Variants in DNM3 observed in about 807,000 individuals in gnomAD.
DNM3 encodes the protein dynamin-3.
A neutral mutation model predicts 101.6 loss-of-function variants in DNM3; 47 were observed. That is an observed-to-expected ratio of 0.46 (90% CI 0.37 to 0.59). DNM3 has a LOEUF of 0.59. DNM3 is among the 20% of genes least tolerant of loss of function. The pLI, the probability that DNM3 is intolerant of heterozygous loss-of-function variation, is 0.00. For missense variants in DNM3, 849 were observed against 1,085.7 expected, an observed-to-expected ratio of 0.78 and a Z score of 3.06; for synonymous variants, 385 against 387.9, an observed-to-expected ratio of 0.99 and a Z score of 0.09.
chr1:172,229,452 T>C (rs2061252456), intron 14 of DNM3, among the ~76,000 whole-genome samples: 1 of 152,172 alleles, frequency 6.6e-6, no homozygotes, highest in Non-Finnish European at 1.5e-5. Context: ...AGCATTTATT[T>C]GTAATGAACA....
chr1:172,255,643 A>G (rs1028456793), intron 15 of DNM3, among the ~76,000 whole-genome samples: 112 of 152,244 alleles, frequency 7.4e-4, no homozygotes, highest in African/African-American at 2.6e-3. Flanking sequence ...AAAGGTATTG[A>G]ATTCTGCTGC....
At chr1:172,215,294 CA>C (rs2148538342) in intron 14 of DNM3, among the ~76,000 whole-genome samples, 1 of 152,158 alleles carries the variant, frequency 6.6e-6, no homozygotes, top group East Asian at 1.9e-4. Flanking sequence ...GAAATGCTGC[CA>C]TTTGGTAACT....
intron 17 of DNM3, among the ~76,000 whole-genome samples, chr1:172,358,589 A>T (rs950311924): frequency 3.9e-5 from 6 of 151,966 alleles, no homozygotes; most frequent in African/African-American, 9.7e-5. Context: ...TCCCTCCCCC[A>T]CCAGAATGAA....
At chr1:171,843,036 C>T (rs1450686686) in intron 1 of DNM3, among the ~76,000 whole-genome samples, 1 of 152,046 alleles carries the variant, frequency 6.6e-6, no homozygotes, top group Non-Finnish European at 1.5e-5. Context: ...GTTTCTGTTC[C>T]TTTTTTCTTT....
chr1:172,189,655 A>G (rs1005639806), intron 14 of DNM3, among the ~76,000 whole-genome samples: 1 of 152,022 alleles, frequency 6.6e-6, no homozygotes, highest in Non-Finnish European at 1.5e-5. Context: ...TTGTGTCACT[A>G]TAAAGAAATA....
At chr1:171,944,402 G>T (rs915695851) in intron 2 of DNM3, among the ~76,000 whole-genome samples, 2 of 150,872 alleles carry the variant, frequency 1.3e-5, no homozygotes, top group African/African-American at 4.9e-5. Flanking sequence ...TATAGATGGG[G>T]TCTCACTCTG....
intron 14 of DNM3, among the ~76,000 whole-genome samples, chr1:172,221,834 C>A (rs533025909): frequency 6.6e-6 from 1 of 152,250 alleles, no homozygotes; most frequent in African/African-American, 2.4e-5. Context: ...TAAATACTTT[C>A]TAATATTCTA....
chr1:172,221,327 G>A (rs1296887977), intron 14 of DNM3, among the ~76,000 whole-genome samples: 1 of 152,012 alleles, frequency 6.6e-6, no homozygotes, highest in Admixed American at 6.6e-5. Flanking sequence ...TCCCTCATTA[G>A]CCCTATGACT....
intron 14 of DNM3, among the ~76,000 whole-genome samples, chr1:172,181,521 T>C (rs1050538262): frequency 2.0e-5 from 3 of 152,094 alleles, no homozygotes; most frequent in Non-Finnish European, 4.4e-5. Flanking sequence ...TGCCTGATAT[T>C]AAACAGAAAC....
intron 15 of DNM3, among the ~76,000 whole-genome samples, chr1:172,261,781 C>T (rs1330392246): frequency 6.6e-6 from 1 of 152,174 alleles, no homozygotes; most frequent in Admixed American, 6.5e-5. Context: ...TGGGTGCCAG[C>T]TGTGGTGGTA....
intron 2 of DNM3, among the ~76,000 whole-genome samples, chr1:171,946,199 T>C (rs1307704039): frequency 1.3e-5 from 2 of 152,118 alleles, no homozygotes; most frequent in Non-Finnish European, 2.9e-5. Context: ...TTTTCTCTGC[T>C]CTCTTAGTTC....
intron 1 of DNM3, among the ~76,000 whole-genome samples, chr1:171,857,768 A>C (rs185455196): frequency 6.6e-6 from 1 of 152,310 alleles, no homozygotes; most frequent in East Asian, 1.9e-4. Flanking sequence ...TATCTCCTCC[A>C]CAAATTCATG....
intron 2 of DNM3, among the ~76,000 whole-genome samples, chr1:171,978,424 G>A (rs1181077506): frequency 6.6e-6 from 1 of 152,112 alleles, no homozygotes; most frequent in Non-Finnish European, 1.5e-5. Flanking sequence ...GAGGCCCTGA[G>A]GTAGGAAGGG....
At chr1:172,216,808 G>T (rs1319951303) in intron 14 of DNM3, among the ~76,000 whole-genome samples, 1 of 151,838 alleles carries the variant, frequency 6.6e-6, no homozygotes, top group Non-Finnish European at 1.5e-5. Context: ...CAAAGCAATT[G>T]TTGAATATGT....
chr1:171,952,518 C>T (rs1385098429), intron 2 of DNM3, among the ~76,000 whole-genome samples: 1 of 152,058 alleles, frequency 6.6e-6, no homozygotes, highest in African/African-American at 2.4e-5. Flanking sequence ...GTCCAACCTC[C>T]CTTTCCATCA....
intron 2 of DNM3, among the ~76,000 whole-genome samples, chr1:171,932,335 G>T (rs1319316879): frequency 1.3e-5 from 2 of 151,262 alleles, no homozygotes; most frequent in Admixed American, 6.6e-5. Context: ...TGTAGAGATG[G>T]GGTCTTGCTA....
At chr1:172,059,703 A>G (rs1252632968) in intron 10 of DNM3, among the ~76,000 whole-genome samples, 3 of 129,708 alleles carry the variant, frequency 2.3e-5, no homozygotes, top group South Asian at 5.3e-4. Context: ...TTTCAAAATA[A>G]TAAGAGCTAT....
intron 14 of DNM3, among the ~76,000 whole-genome samples, chr1:172,234,432 C>G (rs2148621855): frequency 6.6e-6 from 1 of 152,210 alleles, no homozygotes; most frequent in South Asian, 2.1e-4. Context: ...TAGGAAGAAT[C>G]AATATCATGA....
chr1:172,364,074 T>G (rs2067883627), intron 17 of DNM3, among the ~76,000 whole-genome samples: 1 of 151,990 alleles, frequency 6.6e-6, no homozygotes, highest in African/African-American at 2.4e-5. Context: ...GTTTTTGGCC[T>G]GTTAATGGGC....
Sources: allele counts gnomAD v4.1 joint callset (sites outside exome capture counted in the v4.1 genomes callset), GRCh38; gene constraint gnomAD v4.1.1; transcripts MANE v1.5; gene names NCBI Gene and HGNC (gene_info 2026-07-23, HGNC 2026-07-21).